Variants in GLT8D2 observed in about 807,000 individuals in gnomAD.
GLT8D2 encodes glycosyltransferase 8 domain containing 2, also known as glycosyltransferase 8 domain-containing protein 2.
GLT8D2 carries 45 observed loss-of-function variants against 44.5 expected under a neutral mutation model. The observed-to-expected ratio is 1.01, with a 90% CI of 0.80 to 1.30. The LOEUF (loss-of-function observed/expected upper bound fraction) is 1.30, where lower values mean the gene tolerates loss of function less well. GLT8D2 is among the 50% of genes most tolerant of loss of function. The pLI, the probability that GLT8D2 is intolerant of heterozygous loss-of-function variation, is 0.00. For missense variants in GLT8D2, 400 were observed against 430.4 expected, an observed-to-expected ratio of 0.93 and a Z score of 0.62; for synonymous variants, 156 against 157.2, an observed-to-expected ratio of 0.99 and a Z score of 0.06.
intron 1 of GLT8D2, among the ~76,000 whole-genome samples, chr12:104,029,102 C>T (rs1228313951): frequency 6.6e-6 from 1 of 152,036 alleles, no homozygotes; most frequent in Non-Finnish European, 1.5e-5. Flanking sequence ...CCATCCTGGC[C>T]AACATAGTGA....
chr12:104,028,037 T>C (rs931598898), intron 1 of GLT8D2, among the ~76,000 whole-genome samples: 1 of 152,200 alleles, frequency 6.6e-6, no homozygotes, highest in Non-Finnish European at 1.5e-5. Context: ...TAAATGCTGA[T>C]TCATCTGAAC....
At chr12:104,020,142 G>A (rs1158980750) in intron 2 of GLT8D2, among the ~76,000 whole-genome samples, 1 of 151,874 alleles carries the variant, frequency 6.6e-6, no homozygotes, top group Non-Finnish European at 1.5e-5. Context: ...GGCTGGTCTC[G>A]AACTCCTAGC....
chr12:104,064,376 G>T (rs1215124600), upstream of GLT8D2: 35 of 497,756 alleles, frequency 7.0e-5, no homozygotes, highest in African/African-American at 1.0e-4. This position sits in a 1 kb window ranked among gnomAD's most constrained non-coding sequence, Gnocchi z 7.3. Flanking sequence ...GGTGGGGGCG[G>T]GGCTCCCCTG....
chr12:104,004,226 A>G (rs1332214381), intron 4 of GLT8D2, among the ~76,000 whole-genome samples: 1 of 152,198 alleles, frequency 6.6e-6, no homozygotes, highest in African/African-American at 2.4e-5. Context: ...GATGGGACGT[A>G]TCTCAAAATA....
At chr12:103,999,136 C>T (rs1014728664) in intron 6 of GLT8D2, among the ~76,000 whole-genome samples, 1 of 152,212 alleles carries the variant, frequency 6.6e-6, no homozygotes, top group Non-Finnish European at 1.5e-5. Context: ...CCCCCACAGA[C>T]ATATTCACAC....
At chr12:103,989,939 A>G (rs963634953) in intron 10 of GLT8D2, among the ~76,000 whole-genome samples, 1 of 151,954 alleles carries the variant, frequency 6.6e-6, no homozygotes, top group Non-Finnish European at 1.5e-5. Flanking sequence ...GATTTACCAA[A>G]TTATTTTTAG....
intron 10 of GLT8D2, 97 bp from the exon 11 acceptor site, chr12:103,989,674 CAAAT>C (rs1419497556): frequency 7.9e-6 from 9 of 1,135,070 alleles, no homozygotes; most frequent in East Asian, 4.9e-5. Context: ...AAAAGGTAAA[CAAAT>C]AAAAAGGTTA....
At chr12:104,023,353 C>T (rs1041793676) in intron 1 of GLT8D2, among the ~76,000 whole-genome samples, 4 of 152,110 alleles carry the variant, frequency 2.6e-5, no homozygotes, top group Admixed American at 6.6e-5. Context: ...GTAGTATTTT[C>T]TAAATTCTTT....
chr12:104,059,771 G>A (rs1882471648), intron 1 of GLT8D2, among the ~76,000 whole-genome samples: 1 of 152,072 alleles, frequency 6.6e-6, no homozygotes, highest in South Asian at 2.1e-4. Flanking sequence ...GGCAGGCAAG[G>A]AGAAGGTTGG....
intron 1 of GLT8D2, among the ~76,000 whole-genome samples, chr12:104,046,901 T>C (rs1232476830): frequency 1.3e-5 from 2 of 152,122 alleles, no homozygotes; most frequent in Admixed American, 1.3e-4. Flanking sequence ...CGTAGCTTAC[T>C]ATAGCCTCGA....
chr12:103,996,924 G>C, intron 7 of GLT8D2, 77 bp from the exon 8 acceptor site: 1 of 928,952 alleles, frequency 1.1e-6, no homozygotes, highest in Non-Finnish European at 1.7e-6. Context: ...AGCTTAAACA[G>C]CTCTTGATTT....
intron 8 of GLT8D2, 33 bp from the exon 9 acceptor site, chr12:103,994,534 C>T: frequency 6.5e-7 from 1 of 1,544,826 alleles, no homozygotes; most frequent in Non-Finnish European, 8.8e-7. Flanking sequence ...TGCTTTTGAC[C>T]AGCGAATCTT....
chr12:104,015,634 G>T (rs1181519087), intron 3 of GLT8D2, among the ~76,000 whole-genome samples: 13 of 151,898 alleles, frequency 8.6e-5, no homozygotes, highest in Admixed American at 8.5e-4. Context: ...GTTGCTCAGG[G>T]GTCTTGCATC....
chr12:104,045,928 A>G (rs1045492088), intron 1 of GLT8D2, among the ~76,000 whole-genome samples: 1 of 147,834 alleles, frequency 6.8e-6, no homozygotes, highest in Admixed American at 6.8e-5. Flanking sequence ...AGAAAGAAAG[A>G]AAGAAAGAAA....
At chr12:104,046,262 A>G (rs1199075016) in intron 1 of GLT8D2, among the ~76,000 whole-genome samples, 1 of 152,000 alleles carries the variant, frequency 6.6e-6, no homozygotes, top group Non-Finnish European at 1.5e-5. Flanking sequence ...AGTATTAACT[A>G]TTATTATTTT....
chr12:104,045,965 G>A (rs1173520099), intron 1 of GLT8D2, among the ~76,000 whole-genome samples: 1 of 151,764 alleles, frequency 6.6e-6, no homozygotes, highest in Non-Finnish European at 1.5e-5. Context: ...AAATAAGAAA[G>A]AAAGAAAGAA....
At chr12:104,004,848 CA>C (rs1283425746) in intron 4 of GLT8D2, among the ~76,000 whole-genome samples, 3 of 152,162 alleles carry the variant, frequency 2.0e-5, no homozygotes, top group Non-Finnish European at 4.4e-5. Flanking sequence ...ATCAAGCTAC[CA>C]ATGACTTTCT....
At chr12:104,007,313 A>C (rs1353373684) in intron 4 of GLT8D2, among the ~76,000 whole-genome samples, 1 of 121,612 alleles carries the variant, frequency 8.2e-6, no homozygotes, top group African/African-American at 3.2e-5. Context: ...TTCTCTTTCC[A>C]GATCCTTTTT....
chr12:104,007,850 T>G (rs1043053356), intron 4 of GLT8D2, among the ~76,000 whole-genome samples: 37 of 152,266 alleles, frequency 2.4e-4, no homozygotes, highest in African/African-American at 8.4e-4. Flanking sequence ...ACTGTTCTCA[T>G]GGTAGTGAAT....
Sources: gnomAD v4.1 joint callset for allele counts (sites outside exome capture counted in the v4.1 genomes callset) on GRCh38, gnomAD v4.1.1 for gene constraint, Gnocchi (gnomAD v3.1) non-coding constraint, MANE v1.5 for transcripts, NCBI Gene and HGNC (gene_info 2026-07-23, HGNC 2026-07-21) for gene names.